PTPN20: variants seen among roughly 807,000 people sequenced by gnomAD.
PTPN20 encodes the protein tyrosine-protein phosphatase non-receptor type 20.
PTPN20 carries 9 observed loss-of-function variants against 35.0 expected under a neutral mutation model. The observed-to-expected ratio is 0.26, with a 90% CI of 0.15 to 0.45. The LOEUF is 0.45. PTPN20 is among the 20% of genes least tolerant of loss of function. The pLI is 1.00. For synonymous variants in PTPN20, 32 were observed against 100.2 expected, an observed-to-expected ratio of 0.32 and a Z score of 4.06; for missense variants, 111 against 312.5, an observed-to-expected ratio of 0.36 and a Z score of 4.86.
intron 5 of PTPN20, among the ~76,000 whole-genome samples, chr10:46,960,527 T>C (rs1200957447): frequency 1.3e-5 from 2 of 151,550 alleles, no homozygotes; most frequent in African/African-American, 4.9e-5. Context: ...CATCTCTCCA[T>C]TGAAATTCTC....
At chr10:46,941,436 C>G (rs2043474091) in intron 3 of PTPN20, among the ~76,000 whole-genome samples, 1 of 130,604 alleles carries the variant, frequency 7.7e-6, no homozygotes, top group East Asian at 2.3e-4. Flanking sequence ...CTCTGCTATA[C>G]TTAAGTTGGC....
chr10:46,997,808 C>T (rs2137987596), intron 9 of PTPN20, among the ~76,000 whole-genome samples: 1 of 152,182 alleles, frequency 6.6e-6, no homozygotes, highest in South Asian at 2.1e-4. Context: ...TGAAAAGATG[C>T]TCAGCTTCAT....
At chr10:46,994,322 C>CTTTTTTTTTTTT (rs36049729) in intron 9 of PTPN20, among the ~76,000 whole-genome samples, 2 of 66,320 alleles carry the variant, frequency 3.0e-5, no homozygotes, top group African/African-American at 6.3e-5. Context: ...CTCTGATGCT[C>CTTTTTTTTTTTT]TTTTTTTTTT....
intron 5 of PTPN20, among the ~76,000 whole-genome samples, chr10:46,953,363 C>CT (rs1430506983): frequency 2.2e-5 from 3 of 138,712 alleles, no homozygotes; most frequent in Admixed American, 7.0e-5. Flanking sequence ...TTCTTTCTTT[C>CT]TTTCTTTCTT....
chr10:46,923,453 A>AT (rs2132471881), intron 1 of PTPN20, among the ~76,000 whole-genome samples: 1 of 143,920 alleles, frequency 6.9e-6, no homozygotes, highest in East Asian at 2.0e-4. Context: ...TTCCATTATC[A>AT]TTTTTTGAAA....
rs1384008782 is a variant in PTPN20, at chr10:46,940,865, G to T, written c.129+148G>T. The T allele has an allele frequency of 2.6e-5, 27 of 1,028,438 alleles. 1 individual carries two copies. The highest frequency in any genetic ancestry group is 2.0e-4 in the East Asian group (8 of 40,104). 63.7% of individuals were successfully genotyped at this position (1,028,438 alleles called of 1,614,324 possible). A position where few individuals can be genotyped will look rare whatever the true frequency, so the allele number is the denominator to read the frequency against. On this transcript the variant is annotated intron_variant, in intron 3 of 10. Coordinates refer to ENST00000374339, the MANE Select transcript of PTPN20 (RefSeq NM_001042357.5). ...TGTAGTGTTGACAGTGACCAAAATG[G>T]GGATTTGAAAGAGTGGAATTTTTTG... is the stretch of plus-strand genomic sequence containing the variant.
intron 1 of PTPN20, among the ~76,000 whole-genome samples, chr10:46,919,211 T>C (rs1276676213): frequency 1.3e-5 from 2 of 152,354 alleles, no homozygotes; most frequent in African/African-American, 2.4e-5. Context: ...TATAATTGGA[T>C]CTCACTTTTT....
intron 1 of PTPN20, among the ~76,000 whole-genome samples, chr10:46,928,064 A>G (rs1240653170): frequency 6.7e-6 from 1 of 149,138 alleles, no homozygotes; most frequent in Non-Finnish European, 1.5e-5. Flanking sequence ...TAAGTCATTC[A>G]TTACTTTTAC....
chr10:46,938,094 G>GTGC (rs1490803559), intron 2 of PTPN20, among the ~76,000 whole-genome samples: 3 of 151,880 alleles, frequency 2.0e-5, no homozygotes, highest in African/African-American at 7.3e-5. Context: ...GGGATTGCAG[G>GTGC]TGCGCACCAC....
chr10:46,998,738 T>A (rs931499004), intron 9 of PTPN20, among the ~76,000 whole-genome samples: 10 of 152,224 alleles, frequency 6.6e-5, no homozygotes, highest in Non-Finnish European at 1.3e-4. Flanking sequence ...ATATTATATC[T>A]TGTTAAACAA....
intron 2 of PTPN20, among the ~76,000 whole-genome samples, chr10:46,937,059 C>T (rs2133634782): frequency 6.6e-6 from 1 of 151,430 alleles, no homozygotes; most frequent in East Asian, 2.0e-4. Flanking sequence ...CTTCCTTTAA[C>T]TTTTGTTGTT....
downstream of PTPN20, among the ~76,000 whole-genome samples, chr10:47,002,768 G>C (rs2060128341): frequency 6.6e-6 from 1 of 151,778 alleles, no homozygotes; most frequent in Non-Finnish European, 1.5e-5. Context: ...AAGCTTTTCA[G>C]AAATAAACAT....
At chr10:46,940,277 A>ATTCTGTATT (rs2043027730) in intron 2 of PTPN20, among the ~76,000 whole-genome samples, 1 of 147,824 alleles carries the variant, frequency 6.8e-6, no homozygotes, top group South Asian at 2.2e-4. Flanking sequence ...AACACAGAAG[A>ATTCTGTATT]CTGTATTCTG....
chr10:46,925,557 C>G (rs1232284313), intron 1 of PTPN20, among the ~76,000 whole-genome samples: 1 of 143,500 alleles, frequency 7.0e-6, no homozygotes, highest in African/African-American at 2.7e-5. Flanking sequence ...TGCAGAAACT[C>G]AGGGTTCAAA....
chr10:46,950,797 TA>T (rs1367395425), intron 5 of PTPN20, among the ~76,000 whole-genome samples: 19 of 152,160 alleles, frequency 1.2e-4, no homozygotes, highest in African/African-American at 4.6e-4. Context: ...CACAAAGATA[TA>T]AAAACAGATT....
intron 9 of PTPN20, among the ~76,000 whole-genome samples, chr10:46,995,489 G>A (rs2058934150): frequency 6.6e-6 from 1 of 152,042 alleles, no homozygotes; most frequent in Non-Finnish European, 1.5e-5. Flanking sequence ...TCATGGCAGT[G>A]TGGGAAAGGT....
In PTPN20 at chr10:46,940,728, A is replaced by G. The variant is rs1321266641; in HGVS notation, c.129+11A>G. 9 of 1,600,292 alleles carry G rather than the reference A, an allele frequency of 5.6e-6. No individual in the cohort carries two copies. The African/African-American group carries it at 9.5e-5, about 17-fold the overall frequency. On this transcript the variant is annotated intron_variant, in intron 3 of 10. Transcript: ENST00000374339. ...ACACCTAGATCAAAGGTAAGACTAA[A>G]AGGAGAGGGATCTCTACTAATTTTG...
intron 5 of PTPN20, among the ~76,000 whole-genome samples, chr10:46,953,044 A>G (rs2047173356): frequency 6.9e-6 from 1 of 145,750 alleles, no homozygotes; most frequent in Admixed American, 6.8e-5. Flanking sequence ...CAGTCTTAAC[A>G]TATAGATTGT....
chr10:46,936,565 C>T (rs2041725151), intron 2 of PTPN20, among the ~76,000 whole-genome samples: 1 of 151,444 alleles, frequency 6.6e-6, no homozygotes, highest in Admixed American at 6.6e-5. Context: ...TTGGAAATAA[C>T]TCCCCATTCT....
Sources: allele counts gnomAD v4.1 joint callset (sites outside exome capture counted in the v4.1 genomes callset), GRCh38; gene constraint gnomAD v4.1.1; transcripts MANE v1.5; gene names NCBI Gene and HGNC (gene_info 2026-07-23, HGNC 2026-07-21).